Variants in MTFR1 observed in about 807,000 individuals in gnomAD.
The protein encoded by MTFR1 is mitochondrial fission regulator 1, also known as chondrocyte protein with a poly-proline region.
A neutral mutation model predicts 38.8 loss-of-function variants in MTFR1; 28 were observed. The ratio of observed to expected loss-of-function variants is 0.72; its 90% CI spans 0.53 to 0.99. MTFR1 has a LOEUF of 0.99. Among genes scored for constraint, MTFR1 ranks in the 50% least tolerant of loss-of-function variants. The probability of loss-of-function intolerance (pLI) is 0.00; values close to 1 mark genes in which losing one functional copy is unlikely to be tolerated. For synonymous variants in MTFR1, 145 were observed against 137.0 expected, an observed-to-expected ratio of 1.06 and a Z score of -0.41; for missense variants, 358 against 395.5, an observed-to-expected ratio of 0.91 and a Z score of 0.81.
At chr8:65,694,835 G>C (rs1454211603) in intron 4 of MTFR1, among the ~76,000 whole-genome samples, 3 of 152,202 alleles carry the variant, frequency 2.0e-5, no homozygotes, top group Non-Finnish European at 4.4e-5. Context: ...TGGAAGGCTG[G>C]TATTCCTGGA....
intron 3 of MTFR1, among the ~76,000 whole-genome samples, chr8:65,748,561 G>A (rs1013635096): frequency 8.5e-5 from 13 of 152,108 alleles, no homozygotes; most frequent in South Asian, 8.3e-4. Context: ...GGGAACATAC[G>A]TTATCTTTAG....
chr8:65,740,765 A>G (rs1487039801), intron 3 of MTFR1, among the ~76,000 whole-genome samples: 1 of 152,088 alleles, frequency 6.6e-6, no homozygotes, highest in African/African-American at 2.4e-5. Flanking sequence ...TTGTTCTATC[A>G]GGTACAACTA....
the MTFR1 span, among the ~76,000 whole-genome samples, chr8:65,777,071 CA>C: frequency 5.7e-5 from 8 of 140,652 alleles, no homozygotes; most frequent in Non-Finnish European, 6.1e-5. Context: ...TCAATTTTAT[CA>C]AATGCTTTTT....
intron 3 of MTFR1, chr8:65,722,042 C>T (rs1296440587): frequency 6.6e-6 from 1 of 152,180 alleles, no homozygotes; most frequent in African/African-American, 2.4e-5. Flanking sequence ...CAGCCCGCCT[C>T]GGCTTCCCAA....
chr8:65,707,776 C>T, intron 6 of MTFR1, 67 bp from the exon 7 acceptor site: 1 of 1,559,912 alleles, frequency 6.4e-7, no homozygotes. Flanking sequence ...AAAAGGTTGA[C>T]AAAGTACTTC....
At chr8:65,689,006 A>G (rs1308547792) in intron 3 of MTFR1, among the ~76,000 whole-genome samples, 1 of 151,886 alleles carries the variant, frequency 6.6e-6, no homozygotes, top group East Asian at 2.0e-4. Flanking sequence ...TTAGCCAGGC[A>G]TGGTGGTGGG....
Position 65,646,123 on chromosome 8 carries a change from A to G in MTFR1, c.-81+1339A>G, listed in dbSNP as rs537585305. Among the ~76,000 whole-genome samples the G allele has an allele frequency of 3.3e-5, 5 of 152,330 alleles. No homozygotes were observed. In the East Asian group the frequency reaches 9.6e-4, roughly 29 times the overall value. On this transcript the variant is annotated intron_variant, in intron 1 of 7. Coordinates refer to ENST00000262146, the MANE Select transcript of MTFR1 (RefSeq NM_014637.4). The stretch of plus-strand genomic sequence containing the variant: ...CTTTTGAATAGTAATAATTGTATTG[A>G]TAATTTCTATTTGTCGAGTTCTTAG...
chr8:65,712,647 A>G (rs1805984799), downstream of MTFR1, among the ~76,000 whole-genome samples: 1 of 152,212 alleles, frequency 6.6e-6, no homozygotes, highest in African/African-American at 2.4e-5. Flanking sequence ...AAGATTAGGT[A>G]ACCTGCCTAA....
Position 65,709,394 on chromosome 8 carries a change from T to TAA in MTFR1, c.*351_*352dup. 1 of 189,082 alleles carries TAA rather than the reference T, an allele frequency of 5.3e-6. No individual in the cohort carries two copies. The highest frequency in any genetic ancestry group is 1.1e-5 in the Non-Finnish European group (1 of 90,694). The allele number at this position is 189,082 out of a possible 1,614,324, so 11.7% of individuals were successfully genotyped here. The stretch of plus-strand genomic sequence containing the variant: ...AATTCTTAACACTAATTTATCTGTA[T>TAA]AAGTGTTTTATATGCATATTTTTGG... On this transcript the variant is annotated 3_prime_UTR_variant, in exon 8 of 8. Transcript: ENST00000262146.
intron 1 of MTFR1, among the ~76,000 whole-genome samples, chr8:65,657,363 G>A (rs1381335871): frequency 1.3e-5 from 2 of 152,040 alleles, no homozygotes; most frequent in Non-Finnish European, 2.9e-5. Flanking sequence ...TTTTGTTTTT[G>A]TTGTTGTTTT....
chr8:65,768,248 A>T (rs1184353004), intron 3 of MTFR1, among the ~76,000 whole-genome samples: 1 of 152,206 alleles, frequency 6.6e-6, no homozygotes, highest in South Asian at 2.1e-4. Context: ...AAATATTCCA[A>T]ATCTCTTAAC....
At chr8:65,718,247 G>A (rs190847460) in intron 2 of MTFR1, 23 of 152,276 alleles carry the variant, frequency 1.5e-4, no homozygotes, top group Admixed American at 1.4e-3. Flanking sequence ...CCCACATGGA[G>A]AAACATAACA....
intron 3 of MTFR1, among the ~76,000 whole-genome samples, chr8:65,733,175 CA>C (rs1462624446): frequency 2.0e-5 from 3 of 152,108 alleles, no homozygotes; most frequent in Admixed American, 6.5e-5. Flanking sequence ...ACTCCACAGG[CA>C]AAAAGTGTTC....
downstream of MTFR1, among the ~76,000 whole-genome samples, chr8:65,711,969 A>G (rs1220428808): frequency 2.0e-5 from 3 of 152,200 alleles, no homozygotes; most frequent in East Asian, 3.9e-4. Flanking sequence ...TGATCATACC[A>G]AATGGTTATC....
intron 2 of MTFR1, among the ~76,000 whole-genome samples, chr8:65,671,869 A>C (rs568735960): frequency 9.1e-4 from 139 of 152,358 alleles, no homozygotes; most frequent in African/African-American, 3.2e-3. Context: ...ATTAAATGAC[A>C]GAGTATGTAA....
At chr8:65,759,715 G>A (rs938861005) in intron 3 of MTFR1, among the ~76,000 whole-genome samples, 1 of 152,010 alleles carries the variant, frequency 6.6e-6, no homozygotes, top group African/African-American at 2.4e-5. Flanking sequence ...TTTTAAAGGG[G>A]GTTTTTCCTA....
At chr8:65,755,982 G>A (rs769859832) in intron 3 of MTFR1, among the ~76,000 whole-genome samples, 17 of 152,144 alleles carry the variant, frequency 1.1e-4, no homozygotes, top group Non-Finnish European at 2.1e-4. Flanking sequence ...TGTTTGTCTG[G>A]AAATATGTTA....
At chr8:65,744,129 A>G (rs1260217418) in intron 3 of MTFR1, among the ~76,000 whole-genome samples, 2 of 152,202 alleles carry the variant, frequency 1.3e-5, no homozygotes, top group Non-Finnish European at 2.9e-5. Context: ...CACCACGCCC[A>G]GCCTAGCTGA....
At chr8:65,674,870 G>A (rs1804666960) in intron 2 of MTFR1, among the ~76,000 whole-genome samples, 1 of 152,130 alleles carries the variant, frequency 6.6e-6, no homozygotes, top group Non-Finnish European at 1.5e-5. Context: ...GTGTTTAACT[G>A]CCTTGAACAA....
Sources: allele counts gnomAD v4.1 joint callset (sites outside exome capture counted in the v4.1 genomes callset), GRCh38; gene constraint gnomAD v4.1.1; transcripts MANE v1.5; gene names NCBI Gene and HGNC (gene_info 2026-07-23, HGNC 2026-07-21).